Variants in PHACTR3 observed in about 807,000 individuals in gnomAD.
PHACTR3 encodes protein phosphatase 1, regulatory subunit 123.
In PHACTR3, 16 loss-of-function variants were observed where a neutral mutation model predicts 66.8. The ratio of observed to expected loss-of-function variants is 0.24; its 90% confidence interval spans 0.16 to 0.36. The LOEUF is 0.36. PHACTR3 is among the 10% of genes least tolerant of loss of function. PHACTR3 has a pLI of 1.00. For missense variants in PHACTR3, 647 were observed against 719.9 expected, an observed-to-expected ratio of 0.90 and a Z score of 1.16; for synonymous variants, 323 against 292.1, an observed-to-expected ratio of 1.11 and a Z score of -1.08.
chr20:59,699,799 TA>T (rs2037431951), intron 1 of PHACTR3, among the ~76,000 whole-genome samples: 1 of 152,034 alleles, frequency 6.6e-6, no homozygotes, highest in Non-Finnish European at 1.5e-5. Flanking sequence ...CCATCTCTAC[TA>T]AAAACACAAA....
intron 1 of PHACTR3, among the ~76,000 whole-genome samples, chr20:59,672,804 G>A (rs984917524): frequency 5.3e-5 from 8 of 152,254 alleles, no homozygotes; most frequent in South Asian, 2.1e-4. Context: ...CCCACACACC[G>A]CAGCAAAGTT....
chr20:59,676,276 A>G (rs1051338571), intron 1 of PHACTR3, among the ~76,000 whole-genome samples: 2 of 152,232 alleles, frequency 1.3e-5, no homozygotes, highest in African/African-American at 4.8e-5. Flanking sequence ...ACTTTGGTTC[A>G]GGTGGTTTCT....
chr20:59,693,185 T>A (rs1339768530), intron 1 of PHACTR3, among the ~76,000 whole-genome samples: 1 of 152,164 alleles, frequency 6.6e-6, no homozygotes, highest in Non-Finnish European at 1.5e-5. Context: ...AAATGAGAGA[T>A]GCTTAGAGAA....
At chr20:59,752,693 G>A (rs2039641390) in intron 3 of PHACTR3, among the ~76,000 whole-genome samples, 1 of 150,278 alleles carries the variant, frequency 6.7e-6, no homozygotes. Flanking sequence ...TTTTATAGTG[G>A]CAGTTGTGAT....
chr20:59,836,215 A>G (rs2145492892), intron 8 of PHACTR3: 2 of 395,730 alleles, frequency 5.1e-6, no homozygotes, highest in South Asian at 7.1e-5. Flanking sequence ...AACAGTCCAG[A>G]CCAGGCAAGG....
intron 8 of PHACTR3, among the ~76,000 whole-genome samples, chr20:59,822,051 T>G (rs1196110604): frequency 4.1e-5 from 1 of 24,324 alleles, no homozygotes; most frequent in Non-Finnish European, 8.1e-5. Flanking sequence ...ATCCCACCCC[T>G]TCCCCAGCGA....
At position 59,635,095 on chromosome 20, in the gene PHACTR3, TTC is replaced by T. The variant is rs201285336; in HGVS notation, c.118+29971_118+29972del. 5.7e-3 allele frequency among the ~76,000 whole-genome samples: 745 copies of T among 131,350 alleles called. 9 individuals carry two copies. The highest frequency in any genetic ancestry group is 0.021 in the African/African-American group (687 of 33,124). The allele number at this position is 131,350 out of a possible 152,430, so 86.2% of individuals were successfully genotyped here. A position where few individuals can be genotyped will look rare whatever the true frequency, so the allele number is the denominator to read the frequency against. ...TTTCTGTTCTTTTTTCTTTCTTTCTTTCTCTCTCTTTCTTTCTTTCTTTCTTT... is the reference window on the plus strand; with the variant it reads ...TTTCTGTTCTTTTTTCTTTCTTTCTTTCTCTCTTTCTTTCTTTCTTTCTTT... On this transcript the variant is annotated intron_variant, in intron 1 of 12. Coordinates refer to ENST00000371015, the MANE Select transcript of PHACTR3 (RefSeq NM_080672.5).
chr20:59,709,593 A>C (rs2037838941), intron 1 of PHACTR3, among the ~76,000 whole-genome samples: 1 of 152,210 alleles, frequency 6.6e-6, no homozygotes, highest in Non-Finnish European at 1.5e-5. Context: ...TTATTGAATA[A>C]AGAGAGTAGT....
chr20:59,577,521 G>C, exon 1 of PHACTR3: 1 of 1,144,162 alleles, frequency 8.7e-7, no homozygotes. Flanking sequence ...GCGTGGCCGT[G>C]GCGGGGGGCG....
chr20:59,740,005 A>C (rs1046284488), intron 1 of PHACTR3, among the ~76,000 whole-genome samples: 13 of 152,160 alleles, frequency 8.5e-5, no homozygotes, highest in Non-Finnish European at 8.8e-5. Flanking sequence ...ATGGATATAA[A>C]ATGGAATGAT....
In PHACTR3 at chr20:59,605,019, C is replaced by T; in HGVS notation, c.5C>T (p.Ala2Val). 1 of 1,331,976 alleles carries T rather than the reference C, an allele frequency of 7.5e-7. No individual in the cohort carries two copies. Among genetic ancestry groups the T allele is most frequent in the South Asian group, 2.0e-5 (1 of 49,052 alleles). 82.5% of individuals were successfully genotyped at this position (1,331,976 alleles called of 1,614,324 possible). Residue 2 changes from alanine to valine, a missense_variant, in exon 1 of 13, where the codon GCC (alanine) becomes GTC (valine). Physicochemically the swap from Ala to Val is moderately conservative, Grantham distance 64. Coordinates refer to ENST00000371015, the MANE Select transcript of PHACTR3 (RefSeq NM_080672.5). M[A>V]ASEDGSGCLV... is the part of the protein sequence containing the mutation. ...GCCCCCGCGCCGGCCGGGCCCATGG[C>T]CGCGTCGGAGGACGGGAGCGGCTGC...
chr20:59,577,757 C>T (rs912865008), intron 1 of PHACTR3: 18 of 493,310 alleles, frequency 3.6e-5, no homozygotes, highest in African/African-American at 3.3e-4. Context: ...GCGCCCCCAG[C>T]CACAGAGGTG....
At chr20:59,651,429 T>A (rs1260398804) in intron 1 of PHACTR3, among the ~76,000 whole-genome samples, 1 of 152,310 alleles carries the variant, frequency 6.6e-6, no homozygotes, top group South Asian at 2.1e-4. Context: ...ATTTAAAAAT[T>A]AAAGCATCAT....
chr20:59,714,568 A>C (rs1207743741), intron 1 of PHACTR3, among the ~76,000 whole-genome samples: 1 of 152,228 alleles, frequency 6.6e-6, no homozygotes, highest in Admixed American at 6.5e-5. Context: ...ATAGCACATC[A>C]TCATAATTGT....
chr20:59,614,948 C>T (rs1025517933), intron 1 of PHACTR3, among the ~76,000 whole-genome samples: 4 of 152,160 alleles, frequency 2.6e-5, no homozygotes, highest in East Asian at 1.9e-4. Flanking sequence ...GTTTATTGGC[C>T]GGGTTTTTTG....
intron 1 of PHACTR3, among the ~76,000 whole-genome samples, chr20:59,580,246 A>C (rs2032820673): frequency 6.6e-6 from 1 of 152,110 alleles, no homozygotes; most frequent in African/African-American, 2.4e-5. Context: ...GGGTCCCGGC[A>C]CCCAAGGAAG....
At chr20:59,795,153 C>T (rs540826461) in intron 7 of PHACTR3, among the ~76,000 whole-genome samples, 1 of 152,064 alleles carries the variant, frequency 6.6e-6, no homozygotes, top group African/African-American at 2.4e-5. Flanking sequence ...GTTACAACTG[C>T]TTTTGCTGTA....
intron 1 of PHACTR3, among the ~76,000 whole-genome samples, chr20:59,724,907 G>T (rs778762520): frequency 2.0e-5 from 3 of 152,160 alleles, no homozygotes; most frequent in Non-Finnish European, 4.4e-5. Flanking sequence ...GTGAACCCAC[G>T]TGGGTGTGAG....
At chr20:59,779,501 C>T (rs1256912536) in intron 7 of PHACTR3, among the ~76,000 whole-genome samples, 1 of 152,192 alleles carries the variant, frequency 6.6e-6, no homozygotes, top group Non-Finnish European at 1.5e-5. Context: ...TCGCCTGATA[C>T]ATTGTTTTCA....
Sources: allele counts gnomAD v4.1 joint callset (sites outside exome capture counted in the v4.1 genomes callset), GRCh38; gene constraint gnomAD v4.1.1; transcripts MANE v1.5; gene names NCBI Gene and HGNC (gene_info 2026-07-23, HGNC 2026-07-21).